RAB4A: variants seen among roughly 807,000 people sequenced by gnomAD.
RAB4A encodes the protein ras-related protein Rab-4A.
Under a neutral mutation model 34.5 loss-of-function variants are expected in RAB4A, and 20 were observed. That is an observed-to-expected ratio of 0.58 (90% CI 0.41 to 0.84). The LOEUF (loss-of-function observed/expected upper bound fraction) is 0.84. Among genes scored for constraint, RAB4A ranks in the 40% least tolerant of loss-of-function variants. RAB4A has a pLI of 0.00. For synonymous variants in RAB4A, 102 were observed against 100.0 expected, an observed-to-expected ratio of 1.02 and a Z score of -0.12; for missense variants, 228 against 274.5, an observed-to-expected ratio of 0.83 and a Z score of 1.20.
intron 1 of RAB4A, among the ~76,000 whole-genome samples, chr1:229,279,892 TCA>T (rs1433442095): frequency 6.6e-6 from 1 of 152,214 alleles, no homozygotes; most frequent in Non-Finnish European, 1.5e-5. Flanking sequence ...AAGTTAACGT[TCA>T]CTATAATAAA....
intron 1 of RAB4A, among the ~76,000 whole-genome samples, chr1:229,284,525 A>G (rs1365486225): frequency 6.6e-6 from 1 of 152,166 alleles, no homozygotes; most frequent in East Asian, 1.9e-4. Context: ...TGCAACAATG[A>G]TGGGTTGTTG....
Position 229,303,003 on chromosome 1 carries a change from C to A in RAB4A, c.*12+14C>A. The A allele has an allele frequency of 6.4e-7, 1 of 1,560,866 alleles. No individual in the cohort carries two copies. The highest frequency in any genetic ancestry group is 8.8e-7 in the Non-Finnish European group (1 of 1,133,384). On this transcript the variant is annotated intron_variant, in intron 7 of 7. Coordinates refer to ENST00000366690, the MANE Select transcript of RAB4A (RefSeq NM_004578.4). ...GAGAGCACACAGGTGGGTTTGGACA[C>A]CTCCCTGCCCTGAGTTCCTGGCAAG...
At chr1:229,296,647 T>G (rs1311296439) in intron 4 of RAB4A, among the ~76,000 whole-genome samples, 1 of 152,178 alleles carries the variant, frequency 6.6e-6, no homozygotes, top group African/African-American at 2.4e-5. Context: ...ATGTGTCATC[T>G]AAATGGCATC....
intron 1 of RAB4A, among the ~76,000 whole-genome samples, chr1:229,283,392 C>T (rs1313954297): frequency 6.6e-6 from 1 of 152,202 alleles, no homozygotes; most frequent in African/African-American, 2.4e-5. Flanking sequence ...TTAGGCTCCC[C>T]ATTCGGCCTT....
chr1:229,303,578 A>C (rs1657473795), intron 7 of RAB4A, among the ~76,000 whole-genome samples: 1 of 152,230 alleles, frequency 6.6e-6, no homozygotes. Context: ...TTGCTAAAAC[A>C]GGAGGCCTAT....
rs552173029 is a variant in RAB4A at position 229,283,396 on chromosome 1, C to T, written c.32-3090C>T. 5.9e-5 allele frequency among the ~76,000 whole-genome samples: 9 copies of T among 152,332 alleles called. No individual in the cohort carries two copies. In the South Asian group the frequency reaches 1.5e-3, roughly 25 times the overall value. On this transcript the variant is annotated intron_variant, in intron 1 of 7. Transcript: ENST00000366690. ...AGGGTGGAAGTTTAGGCTCCCCATTCGGCCTTTGCTGGCATGGGTACAGGT... is the reference window on the plus strand; with the variant it reads ...AGGGTGGAAGTTTAGGCTCCCCATTTGGCCTTTGCTGGCATGGGTACAGGT...
chr1:229,296,013 A>G (rs1175936896), intron 4 of RAB4A, 103 bp downstream of exon 4: 1 of 1,227,816 alleles, frequency 8.1e-7, no homozygotes, highest in Non-Finnish European at 1.2e-6. Context: ...TTGTGTGTCC[A>G]GGGACGGTGG....
chr1:229,284,069 T>TA (rs1457377429), intron 1 of RAB4A, among the ~76,000 whole-genome samples: 11 of 147,628 alleles, frequency 7.5e-5, no homozygotes, highest in Non-Finnish European at 1.0e-4. Flanking sequence ...TCTAGGGTGG[T>TA]TTTTTTTGTT....
At chr1:229,276,628 G>A (rs1656657876) in intron 1 of RAB4A, among the ~76,000 whole-genome samples, 1 of 145,340 alleles carries the variant, frequency 6.9e-6, no homozygotes, top group South Asian at 2.2e-4. Context: ...AGAAGATAAA[G>A]TTAGAGTCCA....
intron 4 of RAB4A, 129 bp downstream of exon 4, chr1:229,296,039 G>A (rs1172427115): frequency 1.1e-6 from 1 of 885,100 alleles, no homozygotes; most frequent in Non-Finnish European, 1.7e-6. Flanking sequence ...CTGGCATCCA[G>A]GAAGCCCCTT....
At chr1:229,298,914 T>C (rs1171128177) in intron 5 of RAB4A, 63 bp from the exon 6 acceptor site, 1 of 1,224,814 alleles carries the variant, frequency 8.2e-7, no homozygotes, top group African/African-American at 1.5e-5. Flanking sequence ...ACACAGGCTT[T>C]TGTAAGTGAA....
intron 1 of RAB4A, among the ~76,000 whole-genome samples, chr1:229,281,846 ATC>A (rs1656788487): frequency 7.6e-6 from 1 of 132,196 alleles, no homozygotes; most frequent in East Asian, 2.3e-4. Flanking sequence ...ATATATATAT[ATC>A]ATAGTTTACT....
At chr1:229,297,774 CTATAAATTAG>C in intron 5 of RAB4A, 138 bp downstream of exon 5, 1 of 1,025,990 alleles carries the variant, frequency 9.7e-7, no homozygotes, top group Non-Finnish European at 1.4e-6. Context: ...TTGTTTTTTT[CTATAAATTAG>C]ACCTATTAAG....
intron 1 of RAB4A, among the ~76,000 whole-genome samples, chr1:229,284,361 GT>G (rs2102841167): frequency 6.6e-6 from 1 of 152,066 alleles, no homozygotes; most frequent in South Asian, 2.1e-4. Flanking sequence ...GTCTCCCAAA[GT>G]GCTGGGATTT....
At chr1:229,297,382 C>A in intron 4 of RAB4A, 100 bp from the exon 5 acceptor site, 1 of 1,233,688 alleles carries the variant, frequency 8.1e-7, no homozygotes, top group East Asian at 2.5e-5. Flanking sequence ...GTGCCATTAC[C>A]CTGAAATGTT....
intron 1 of RAB4A, among the ~76,000 whole-genome samples, chr1:229,277,310 A>G (rs1462586209): frequency 4.6e-5 from 7 of 151,024 alleles, no homozygotes; most frequent in Non-Finnish European, 4.4e-5. Context: ...AGGCTTAGGT[A>G]AACCGCGGCT....
At chr1:229,293,385 C>T (rs1657145669) in intron 3 of RAB4A, among the ~76,000 whole-genome samples, 1 of 152,222 alleles carries the variant, frequency 6.6e-6, no homozygotes, top group Non-Finnish European at 1.5e-5. Context: ...TCGGTGAGGG[C>T]TCCCACGGCC....
At chr1:229,274,253 C>T (rs1193219531) in intron 1 of RAB4A, among the ~76,000 whole-genome samples, 5 of 148,948 alleles carry the variant, frequency 3.4e-5, no homozygotes, top group African/African-American at 1.2e-4. Flanking sequence ...TTTGTAGAGA[C>T]GAGGTCTCTG....
At chr1:229,294,989 T>C (rs1362610289) in intron 3 of RAB4A, among the ~76,000 whole-genome samples, 6 of 151,902 alleles carry the variant, frequency 3.9e-5, no homozygotes, top group African/African-American at 4.8e-5. Flanking sequence ...TTTTTTTTTT[T>C]TTTCTTTCTG....
Sources: gnomAD v4.1 joint callset for allele counts (sites outside exome capture counted in the v4.1 genomes callset) on GRCh38, gnomAD v4.1.1 for gene constraint, MANE v1.5 for transcripts, NCBI Gene and HGNC (gene_info 2026-07-23, HGNC 2026-07-21) for gene names.